Variants in RHBDD1 observed in about 807,000 individuals in gnomAD.
RHBDD1 encodes rhomboid-related protein 4.
Under a neutral mutation model 36.3 loss-of-function variants are expected in RHBDD1, and 38 were observed. The ratio of observed to expected loss-of-function variants is 1.05; its 90% CI spans 0.81 to 1.37. RHBDD1 has a LOEUF of 1.37. Among genes scored for constraint, RHBDD1 ranks in the 40% most tolerant of loss-of-function variants. RHBDD1 has a pLI of 0.00. For synonymous variants in RHBDD1, 151 were observed against 136.5 expected (o/e 1.11, Z -0.74); for missense variants, 393 against 377.6 (o/e 1.04, Z -0.34).
At chr2:226,804,435 A>T in the RHBDD1 span, 1 of 152,164 alleles carries the variant, frequency 6.6e-6, no homozygotes, top group Admixed American at 6.5e-5. Context: ...GTCAACAAAG[A>T]TCTTCACCTG....
At chr2:226,849,717 CTATATCTATATAATCTGTATCTATATCTA>C (rs1942604579) in intron 3 of RHBDD1, among the ~76,000 whole-genome samples, 4 of 150,420 alleles carry the variant, frequency 2.7e-5, no homozygotes, top group Middle Eastern at 3.4e-3. Context: ...ATGCCTATAT[CTATATCTATATAATCTGTATCTATATCTA>C]TATATCTATA....
At chr2:226,813,531 C>T in the RHBDD1 span, among the ~76,000 whole-genome samples, 1 of 152,332 alleles carries the variant, frequency 6.6e-6, no homozygotes, top group Admixed American at 6.5e-5. Context: ...CACTACACAA[C>T]ATCACCAGTC....
At chr2:226,918,804 A>C (rs1212999059) in intron 8 of RHBDD1, among the ~76,000 whole-genome samples, 1 of 152,052 alleles carries the variant, frequency 6.6e-6, no homozygotes, top group African/African-American at 2.4e-5. Context: ...TGATATAATT[A>C]TTTCCTTTCT....
At chr2:226,914,442 A>T in intron 8 of RHBDD1, 91 bp downstream of exon 8, 1 of 1,409,010 alleles carries the variant, frequency 7.1e-7, no homozygotes, top group Non-Finnish European at 9.5e-7. Context: ...ATTAAATTTT[A>T]AACAGTTCAG....
intron 3 of RHBDD1, among the ~76,000 whole-genome samples, chr2:226,840,153 C>T (rs1340866091): frequency 6.6e-6 from 1 of 152,030 alleles, no homozygotes; most frequent in Non-Finnish European, 1.5e-5. Flanking sequence ...ACAGCTGGAG[C>T]TTGGGGGAGG....
At chr2:226,921,889 T>C (rs1479196047) in intron 8 of RHBDD1, among the ~76,000 whole-genome samples, 3 of 152,178 alleles carry the variant, frequency 2.0e-5, no homozygotes, top group Non-Finnish European at 4.4e-5. Context: ...TGTTTCTTTG[T>C]TGAGCATCTT....
intron 8 of RHBDD1, among the ~76,000 whole-genome samples, chr2:226,944,393 C>G (rs969724692): frequency 2.0e-5 from 3 of 152,140 alleles, no homozygotes; most frequent in African/African-American, 4.8e-5. Flanking sequence ...TCTCTTAGAC[C>G]TTGCCACCAG....
chr2:226,890,888 A>G (rs1359242709), intron 5 of RHBDD1, among the ~76,000 whole-genome samples: 1 of 152,194 alleles, frequency 6.6e-6, no homozygotes, highest in Admixed American at 6.5e-5. Flanking sequence ...ACACTATTAA[A>G]ATTTCTAATG....
chr2:226,894,491 G>A (rs928027542), intron 5 of RHBDD1, among the ~76,000 whole-genome samples: 9 of 152,092 alleles, frequency 5.9e-5, no homozygotes, highest in South Asian at 2.1e-4. Flanking sequence ...GGCTGGTCTC[G>A]ATCTCCTGAT....
the RHBDD1 span, among the ~76,000 whole-genome samples, chr2:226,803,108 G>C: frequency 6.6e-6 from 1 of 152,170 alleles, no homozygotes; most frequent in African/African-American, 2.4e-5. Flanking sequence ...ATTAATTTTG[G>C]CAATTTAGAA....
intron 8 of RHBDD1, among the ~76,000 whole-genome samples, chr2:226,924,079 C>A (rs182620026): frequency 2.6e-5 from 4 of 152,096 alleles, no homozygotes; most frequent in African/African-American, 9.7e-5. Context: ...CAGAAGGAGT[C>A]TCTCCCCAAA....
chr2:226,846,414 A>T (rs1012302195), intron 3 of RHBDD1, among the ~76,000 whole-genome samples: 30 of 152,196 alleles, frequency 2.0e-4, no homozygotes, highest in African/African-American at 7.2e-4. Flanking sequence ...ATATTTGAGT[A>T]ATGAAAACTT....
At chr2:226,825,362 T>C in the RHBDD1 span, among the ~76,000 whole-genome samples, 270 of 152,300 alleles carry the variant, frequency 1.8e-3, no homozygotes, top group South Asian at 3.7e-3. Flanking sequence ...AGATTTACTA[T>C]TTGAAGGAAA....
the RHBDD1 span, among the ~76,000 whole-genome samples, chr2:226,803,436 C>G: frequency 3.5e-4 from 53 of 152,040 alleles, no homozygotes; most frequent in Non-Finnish European, 1.5e-4. Context: ...TAAGCTTGAA[C>G]TTGAAATGGG....
chr2:226,886,540 C>T (rs1946225254), intron 5 of RHBDD1, among the ~76,000 whole-genome samples: 1 of 152,142 alleles, frequency 6.6e-6, no homozygotes, highest in South Asian at 2.1e-4. Flanking sequence ...AAGTGTTGTG[C>T]AGGACACGGT....
rs1056082686 is a variant in RHBDD1 at position 226,995,629 on chromosome 2, A to G, written c.*107A>G. On this transcript the variant is annotated 3_prime_UTR_variant, in exon 9 of 9. Coordinates refer to ENST00000392062, the MANE Select transcript of RHBDD1 (RefSeq NM_001167608.3). ...TTCATTTTAAACAAAAGCAGAGTAC[A>G]CCGGTATTGCTCCAGATCGCTCACA... 1.3e-6 allele frequency: 1 copy of G among 785,902 alleles called. No homozygotes were observed. The highest frequency in any genetic ancestry group is 1.6e-5 in the South Asian group (1 of 63,134). 48.7% of individuals were successfully genotyped at this position (785,902 alleles called of 1,614,324 possible). A position where few individuals can be genotyped will look rare whatever the true frequency, so the allele number is the denominator to read the frequency against.
At chr2:226,951,184 A>G (rs1022468714) in intron 8 of RHBDD1, among the ~76,000 whole-genome samples, 3 of 152,108 alleles carry the variant, frequency 2.0e-5, no homozygotes, top group Non-Finnish European at 4.4e-5. Context: ...CCTTCTGCCT[A>G]TGGGTATCCT....
chr2:226,862,766 A>C (rs1313805594), intron 3 of RHBDD1, among the ~76,000 whole-genome samples: 4 of 152,196 alleles, frequency 2.6e-5, no homozygotes, highest in Non-Finnish European at 4.4e-5. Context: ...TCACAGTTCT[A>C]CTGGCTGTAA....
At chr2:226,919,176 C>T (rs1395788855) in intron 8 of RHBDD1, among the ~76,000 whole-genome samples, 1 of 151,686 alleles carries the variant, frequency 6.6e-6, no homozygotes, top group East Asian at 1.9e-4. Flanking sequence ...TAGGTTTTAT[C>T]CAATATGTAA....
Sources: gnomAD v4.1 joint callset for allele counts (sites outside exome capture counted in the v4.1 genomes callset) on GRCh38, gnomAD v4.1.1 for gene constraint, MANE v1.5 for transcripts, NCBI Gene and HGNC (gene_info 2026-07-23, HGNC 2026-07-21) for gene names.